KCNH1: variants seen among roughly 807,000 people sequenced by gnomAD.
KCNH1 encodes the protein voltage-gated delayed rectifier potassium channel KCNH1.
KCNH1 carries 27 observed loss-of-function variants against 69.2 expected under a neutral mutation model. The ratio of observed to expected loss-of-function variants is 0.39; its 90% confidence interval spans 0.29 to 0.54. KCNH1 has a LOEUF of 0.54. KCNH1 is among the 20% of genes least tolerant of loss of function. The pLI is 0.68. For synonymous variants in KCNH1, 456 were observed against 487.7 expected (o/e 0.93, Z 0.86); for missense variants, 798 against 1,261.6 (o/e 0.63, Z 5.57).
At chr1:210,736,550 A>T (rs2358112) in intron 10 of KCNH1, among the ~76,000 whole-genome samples, 2 of 150,750 alleles carry the variant, frequency 1.3e-5, no homozygotes, top group Non-Finnish European at 3.0e-5. Flanking sequence ...TCCCCCCTCC[A>T]AAAAAAAATT....
chr1:210,816,177 A>G (rs1574273855), intron 7 of KCNH1, among the ~76,000 whole-genome samples: 1 of 152,198 alleles, frequency 6.6e-6, no homozygotes, highest in East Asian at 1.9e-4. Flanking sequence ...TAAAACAGAT[A>G]CATTCCCTAT....
intron 6 of KCNH1, among the ~76,000 whole-genome samples, chr1:210,941,071 C>T (rs773279517): frequency 1.3e-5 from 2 of 152,150 alleles, no homozygotes; most frequent in African/African-American, 4.8e-5. Flanking sequence ...ACTTATCAGT[C>T]CCCTGGGCAG....
chr1:211,099,688 C>T (rs1691222873), intron 3 of KCNH1, among the ~76,000 whole-genome samples: 1 of 152,172 alleles, frequency 6.6e-6, no homozygotes, highest in Admixed American at 6.5e-5. Context: ...CAAAATCACT[C>T]AGCAAACATT....
At chr1:210,920,190 A>G (rs1687430624) in intron 6 of KCNH1, 121 bp from the exon 7 acceptor site, 2 of 810,728 alleles carry the variant, frequency 2.5e-6, no homozygotes, top group East Asian at 5.4e-5. Context: ...AATTTTATGC[A>G]ACCCTTAAAA....
At position 210,680,505 on chromosome 1, in the gene KCNH1, T is replaced by C. The variant is rs1375430650; in HGVS notation, c.*2776A>G. 1.3e-5 allele frequency: 2 copies of C among 152,144 alleles called. No individual in the cohort carries two copies. The highest frequency in any genetic ancestry group is 2.9e-5 in the Non-Finnish European group (2 of 68,038). The allele number at this position is 152,144 out of a possible 1,614,324, so 9.4% of individuals were successfully genotyped here. On this transcript the variant is annotated 3_prime_UTR_variant, in exon 11 of 11. Coordinates refer to ENST00000271751, the MANE Select transcript of KCNH1 (RefSeq NM_172362.3). The stretch of plus-strand genomic sequence containing the variant: ...CCCTAATCTCTCTCCAGCCACCAGA[T>C]AATGGTTTATACTGGAAGGCTCAGG...
intron 7 of KCNH1, among the ~76,000 whole-genome samples, chr1:210,891,927 C>G (rs1332299374): frequency 3.3e-5 from 5 of 152,096 alleles, no homozygotes; most frequent in African/African-American, 1.2e-4. Context: ...AGGGATGAAG[C>G]TGGAAACCAT....
At chr1:211,112,620 A>G (rs1691495999) in intron 1 of KCNH1, among the ~76,000 whole-genome samples, 1 of 152,056 alleles carries the variant, frequency 6.6e-6, no homozygotes, top group Non-Finnish European at 1.5e-5. Flanking sequence ...CACTCAGAAG[A>G]TTCTCACCAT....
chr1:210,951,471 C>T (rs1255265614), intron 6 of KCNH1, among the ~76,000 whole-genome samples: 1 of 152,150 alleles, frequency 6.6e-6, no homozygotes, highest in East Asian at 1.9e-4. Flanking sequence ...TGTGATCGCA[C>T]TCCTCTGGCG....
In KCNH1 at chr1:210,736,422, C is replaced by T. The variant is rs544369053; in HGVS notation, c.2112+38926G>A. On this transcript the variant is annotated intron_variant, in intron 10 of 10. Transcript: ENST00000271751. ...AAGTAGACAGGTGTGGTGGTGCATG[C>T]CTGTAATCCCAGCTAGTCAGAGGCT... 3.3e-5 allele frequency among the ~76,000 whole-genome samples: 5 copies of T among 152,142 alleles called. No individual in the cohort carries two copies. The South Asian group carries it at 1.0e-3, about 32-fold the overall frequency.
chr1:210,757,216 G>A (rs1302434468), intron 10 of KCNH1, among the ~76,000 whole-genome samples: 1 of 152,120 alleles, frequency 6.6e-6, no homozygotes, highest in East Asian at 1.9e-4. Flanking sequence ...TAAAGCAGCA[G>A]GCCATTGGCT....
intron 10 of KCNH1, among the ~76,000 whole-genome samples, chr1:210,747,599 A>G (rs960767352): frequency 2.0e-5 from 3 of 151,918 alleles, no homozygotes; most frequent in African/African-American, 7.3e-5. Context: ...GGAAGATATT[A>G]AGCTCCTAGG....
At chr1:211,041,813 G>A (rs1029969058) in intron 5 of KCNH1, among the ~76,000 whole-genome samples, 3 of 152,112 alleles carry the variant, frequency 2.0e-5, no homozygotes, top group Non-Finnish European at 4.4e-5. Flanking sequence ...GGAGTGCAGT[G>A]GCATGATCCT....
chr1:211,120,083 G>A (rs1054090091), intron 1 of KCNH1, among the ~76,000 whole-genome samples: 1 of 152,092 alleles, frequency 6.6e-6, no homozygotes, highest in African/African-American at 2.4e-5. Flanking sequence ...AGAAATAAGA[G>A]ATCAGTGATA....
chr1:211,067,365 G>A (rs1368852703), intron 5 of KCNH1, among the ~76,000 whole-genome samples: 1 of 152,206 alleles, frequency 6.6e-6, no homozygotes. Flanking sequence ...TGAGCTTCCA[G>A]TGAGCACCCA....
At chr1:210,803,880 T>C (rs1195120811) in intron 8 of KCNH1, 87 bp downstream of exon 8, 7 of 1,177,254 alleles carry the variant, frequency 5.9e-6, no homozygotes, top group Non-Finnish European at 8.6e-6. Flanking sequence ...CACAGCCAGG[T>C]TTGACATCCA....
At chr1:210,897,558 C>T (rs879430234) in intron 7 of KCNH1, among the ~76,000 whole-genome samples, 8 of 152,158 alleles carry the variant, frequency 5.3e-5, no homozygotes, top group African/African-American at 1.4e-4. Flanking sequence ...ACAGGCTCCC[C>T]TGGATATGAA....
At chr1:210,999,662 T>C (rs1477599773) in intron 6 of KCNH1, among the ~76,000 whole-genome samples, 1 of 152,226 alleles carries the variant, frequency 6.6e-6, no homozygotes, top group Non-Finnish European at 1.5e-5. Context: ...TAACTCATTT[T>C]ATGAGGCCAG....
In KCNH1 at chr1:210,947,366, G is replaced by A. The variant is rs141786659; in HGVS notation, c.1033-27297C>T. On this transcript the variant is annotated intron_variant, in intron 6 of 10. Transcript: ENST00000271751. ...GGGCGGATCACGAGGTCAGGAGATC[G>A]AGACCATCCTGGTGAACACGGTGAA... Among the ~76,000 whole-genome samples, 146 of 151,954 alleles carry A rather than the reference G, an allele frequency of 9.6e-4. 5 individuals are homozygous for A. The East Asian group carries it at 0.027, about 28-fold the overall frequency.
chr1:210,937,638 C>T (rs1486086367), intron 6 of KCNH1, among the ~76,000 whole-genome samples: 8 of 152,176 alleles, frequency 5.3e-5, no homozygotes, highest in African/African-American at 1.9e-4. Flanking sequence ...GTAGCAGCAG[C>T]AGTGGTATAC....
Sources: gnomAD v4.1 joint callset for allele counts (sites outside exome capture counted in the v4.1 genomes callset) on GRCh38, gnomAD v4.1.1 for gene constraint, MANE v1.5 for transcripts, NCBI Gene and HGNC (gene_info 2026-07-23, HGNC 2026-07-21) for gene names.